Variants in SRPK2 observed in about 807,000 individuals in gnomAD.
The protein encoded by SRPK2 is SFRS protein kinase 2.
Under a neutral mutation model 90.8 loss-of-function variants are expected in SRPK2, and 21 were observed. That is an observed-to-expected ratio of 0.23 (90% CI 0.16 to 0.33). The LOEUF (loss-of-function observed/expected upper bound fraction) is 0.33, where lower values mean the gene tolerates loss of function less well. Ranked by LOEUF, SRPK2 falls within the 10% of genes least tolerant of loss-of-function variation. The pLI is 1.00. For synonymous variants in SRPK2, 288 were observed against 311.1 expected (o/e 0.93, Z 0.78); for missense variants, 620 against 869.0 (o/e 0.71, Z 3.60).
At chr7:105,365,937 C>T (rs905037786) in intron 2 of SRPK2, among the ~76,000 whole-genome samples, 5 of 151,924 alleles carry the variant, frequency 3.3e-5, no homozygotes, top group East Asian at 1.9e-4. Flanking sequence ...TCACTGCAAC[C>T]GCTGCCTCCA....
intron 2 of SRPK2, among the ~76,000 whole-genome samples, chr7:105,386,281 T>TC (rs561250525): frequency 8.8e-4 from 111 of 126,652 alleles, no homozygotes; most frequent in Non-Finnish European, 1.4e-3. Context: ...GCCACTGCCC[T>TC]CCAGCCTGGG....
At chr7:105,278,238 C>T (rs1251935633) in intron 2 of SRPK2, among the ~76,000 whole-genome samples, 2 of 151,158 alleles carry the variant, frequency 1.3e-5, no homozygotes, top group Admixed American at 6.6e-5. Context: ...ATAGCTTGAA[C>T]CCGGAGGCAG....
intron 2 of SRPK2, among the ~76,000 whole-genome samples, chr7:105,208,525 C>T (rs1454899653): frequency 1.3e-5 from 2 of 152,070 alleles, no homozygotes; most frequent in Non-Finnish European, 1.5e-5. Flanking sequence ...GTGACAGATG[C>T]CAGTCAGAAA....
intron 6 of SRPK2, among the ~76,000 whole-genome samples, chr7:105,163,194 C>G (rs541017716): frequency 3.5e-4 from 53 of 152,222 alleles, no homozygotes; most frequent in Middle Eastern, 3.4e-3. Flanking sequence ...AAAATAAACT[C>G]ATACTAGTTT....
chr7:105,156,702 C>T (rs918462360), intron 7 of SRPK2, among the ~76,000 whole-genome samples: 5 of 152,172 alleles, frequency 3.3e-5, no homozygotes, highest in African/African-American at 4.8e-5. Flanking sequence ...CACGGTCTTG[C>T]GATGTTGCCC....
At chr7:105,323,721 CA>C (rs1585705965) in intron 2 of SRPK2, among the ~76,000 whole-genome samples, 3 of 151,956 alleles carry the variant, frequency 2.0e-5, no homozygotes, top group Admixed American at 2.0e-4. Context: ...CTAAGAAGAA[CA>C]AAGTGGAAAT....
chr7:105,136,709 CTT>C (rs1203388407), intron 11 of SRPK2, among the ~76,000 whole-genome samples: 7 of 152,208 alleles, frequency 4.6e-5, no homozygotes, highest in African/African-American at 1.7e-4. Flanking sequence ...CACACTGACT[CTT>C]TACATCATAA....
intron 2 of SRPK2, among the ~76,000 whole-genome samples, chr7:105,318,171 T>C (rs1227656922): frequency 6.6e-6 from 1 of 152,234 alleles, no homozygotes; most frequent in East Asian, 1.9e-4. Context: ...CTCAGCTCAC[T>C]GCAACCGCCG....
chr7:105,121,696 A>T (rs541332138), intron 15 of SRPK2, among the ~76,000 whole-genome samples: 7 of 152,246 alleles, frequency 4.6e-5, no homozygotes, highest in Admixed American at 6.5e-5. Context: ...GCTCTGAGGA[A>T]GGGTTCCTCC....
intron 2 of SRPK2, among the ~76,000 whole-genome samples, chr7:105,239,421 G>T (rs944555810): frequency 1.2e-4 from 19 of 152,142 alleles, no homozygotes; most frequent in African/African-American, 4.6e-4. Flanking sequence ...AAAATATAGA[G>T]AGAACAAAGG....
Position 105,116,721 on chromosome 7 carries a change from T to C in SRPK2, c.*1117A>G, listed in dbSNP as rs1156916751. On this transcript the variant is annotated 3_prime_UTR_variant, in exon 16 of 16. Coordinates refer to ENST00000393651, the MANE Select transcript of SRPK2 (RefSeq NM_182692.3). ...AACCTGCAAAGGGAAAATCATTTTC[T>C]CAACTTCGTTTCATGGAAAGACAAT... is the stretch of plus-strand genomic sequence containing the variant. 1 of 152,628 alleles carries C rather than the reference T, an allele frequency of 6.6e-6. No homozygotes were observed. Among genetic ancestry groups the C allele is most frequent in the Non-Finnish European group, 1.5e-5 (1 of 68,024 alleles). 9.5% of individuals were successfully genotyped at this position (152,628 alleles called of 1,614,324 possible).
intron 2 of SRPK2, among the ~76,000 whole-genome samples, chr7:105,343,949 G>A (rs922874690): frequency 3.3e-5 from 5 of 152,018 alleles, no homozygotes; most frequent in Non-Finnish European, 7.4e-5. Context: ...TATTAATAGA[G>A]ACGGGGGTTT....
At chr7:105,166,297 A>T (rs1165552356) in intron 6 of SRPK2, among the ~76,000 whole-genome samples, 1 of 152,244 alleles carries the variant, frequency 6.6e-6, no homozygotes, top group Non-Finnish European at 1.5e-5. Flanking sequence ...AATGATTCAA[A>T]TATGTCTTTA....
At chr7:105,365,287 C>A (rs1281886483) in intron 2 of SRPK2, among the ~76,000 whole-genome samples, 15 of 151,746 alleles carry the variant, frequency 9.9e-5, no homozygotes, top group Admixed American at 9.2e-4. Context: ...GAGCTGGAGA[C>A]CAGCCCGGCC....
chr7:105,143,951 G>A (rs1025109601), intron 9 of SRPK2: 1 of 152,310 alleles, frequency 6.6e-6, no homozygotes, highest in Non-Finnish European at 1.5e-5. Context: ...CTCAAGCCAG[G>A]GAAGAACTAT....
chr7:105,187,497 T>C (rs569206689), intron 3 of SRPK2, among the ~76,000 whole-genome samples: 2 of 151,970 alleles, frequency 1.3e-5, no homozygotes, highest in South Asian at 4.1e-4. Context: ...GCCCCACACA[T>C]GAGTCTCTAG....
chr7:105,234,587 A>G (rs1486083033), intron 2 of SRPK2, among the ~76,000 whole-genome samples: 3 of 152,198 alleles, frequency 2.0e-5, no homozygotes, highest in Non-Finnish European at 4.4e-5. Context: ...TAACTTACCC[A>G]ATGGTATATA....
intron 2 of SRPK2, among the ~76,000 whole-genome samples, chr7:105,333,475 A>G (rs963586867): frequency 6.6e-6 from 1 of 152,258 alleles, no homozygotes; most frequent in Non-Finnish European, 1.5e-5. Context: ...AACTGTATAC[A>G]GTATTTTTAA....
At chr7:105,259,797 A>T (rs1455007348) in intron 2 of SRPK2, among the ~76,000 whole-genome samples, 1 of 152,206 alleles carries the variant, frequency 6.6e-6, no homozygotes. Flanking sequence ...AGCATTCCCT[A>T]TTTAATAAAT....
Sources: allele counts gnomAD v4.1 joint callset (sites outside exome capture counted in the v4.1 genomes callset), GRCh38; gene constraint gnomAD v4.1.1; transcripts MANE v1.5; gene names NCBI Gene and HGNC (gene_info 2026-07-23, HGNC 2026-07-21).